The following RAPGEF1 variants were observed in gnomAD, a reference collection of about 807,000 sequenced individuals.
RAPGEF1 encodes CRK SH3-binding GNRP.
A neutral mutation model predicts 143.3 loss-of-function variants in RAPGEF1; 33 were observed. That is an observed-to-expected ratio of 0.23 (90% CI 0.17 to 0.31). The LOEUF is 0.31. RAPGEF1 is among the 10% of genes least tolerant of loss of function. The pLI, the probability that RAPGEF1 is intolerant of heterozygous loss-of-function variation, is 1.00. For synonymous variants in RAPGEF1, 629 were observed against 676.5 expected (o/e 0.93, Z 1.09); for missense variants, 1,199 against 1,645.4 (o/e 0.73, Z 4.69).
rs1952046065 is a variant in RAPGEF1 at position 131,582,645 on chromosome 9, C to T, written c.3472G>A (p.Ala1158Thr). Residue 1158 changes from alanine (A) to threonine (T), a missense_variant, in exon 25 of 27, where the codon GCC (alanine) becomes ACC (threonine). Physicochemically the swap from Ala to Thr is moderately conservative, Grantham distance 58 (BLOSUM62 0). This residue lies in a region of RAPGEF1 where 209 missense variants were observed against 403.0 expected (regional missense o/e 0.52). Transcript: ENST00000683357. ...DSSSSFRAYR[A>T]ALSEVEPPCI... Reference sequence around the variant, plus strand: ...GGCGGTTCCACCTCCGAGAGGGCGGCCCGGTAGGCTCGGAAGGAGGACGAG... The same window carrying T: ...GGCGGTTCCACCTCCGAGAGGGCGGTCCGGTAGGCTCGGAAGGAGGACGAG... The T allele has an allele frequency of 6.5e-7, 1 of 1,535,668 alleles. No homozygotes were observed.
chr9:131,649,936 T>C lies in RAPGEF1; in HGVS notation c.315+193A>G, dbSNP rs534350986. On this transcript the variant is annotated intron_variant, in intron 3 of 26. Transcript: ENST00000683357. The stretch of plus-strand genomic sequence containing the variant: ...TTTGCCACAAAGCTCTCTCCAAAGA[T>C]CATGGGACCTTGCATAAACTCTCAC... Among the ~76,000 whole-genome samples, 104 of 152,270 alleles carry C rather than the reference T, an allele frequency of 6.8e-4. 1 individual carries two copies. The highest frequency in any genetic ancestry group is 2.3e-3 in the African/African-American group (96 of 41,542).
chr9:131,661,484 T>C (rs1974088874), intron 1 of RAPGEF1, among the ~76,000 whole-genome samples: 1 of 152,190 alleles, frequency 6.6e-6, no homozygotes, highest in Non-Finnish European at 1.5e-5. Context: ...GTGACGGTTA[T>C]GGCCTGTTTC....
intron 22 of RAPGEF1, among the ~76,000 whole-genome samples, chr9:131,585,061 G>A (rs1952491391): frequency 6.6e-6 from 1 of 152,196 alleles, no homozygotes; most frequent in African/African-American, 2.4e-5. Flanking sequence ...CCAAAGCCGA[G>A]ACCAAAGCCA....
intron 1 of RAPGEF1, among the ~76,000 whole-genome samples, chr9:131,721,394 TCTAA>T (rs1836254517): frequency 6.6e-6 from 1 of 152,236 alleles, no homozygotes; most frequent in Non-Finnish European, 1.5e-5. Context: ...TGTCCGGATA[TCTAA>T]CTAAGAGGCT....
intron 1 of RAPGEF1, among the ~76,000 whole-genome samples, chr9:131,679,555 T>C (rs1832736728): frequency 6.6e-6 from 1 of 152,240 alleles, no homozygotes; most frequent in Admixed American, 6.5e-5. Flanking sequence ...AAATGTTTCG[T>C]ATTGCCGCAT....
chr9:131,602,247 AG>A, intron 14 of RAPGEF1, 98 bp from the exon 15 acceptor site: 1 of 792,422 alleles, frequency 1.3e-6, no homozygotes, highest in South Asian at 1.6e-5. Flanking sequence ...GTGGAGTGCA[AG>A]TTCCTATGGA....
chr9:131,580,412 G>A, intron 25 of RAPGEF1, 21 bp from the exon 26 acceptor site: 1 of 1,610,116 alleles, frequency 6.2e-7, no homozygotes, highest in Non-Finnish European at 8.5e-7. Context: ...GGGTTAGGCA[G>A]CCTGTTACTG....
intron 1 of RAPGEF1, among the ~76,000 whole-genome samples, chr9:131,722,328 C>A (rs1461588456): frequency 1.3e-5 from 2 of 152,200 alleles, no homozygotes; most frequent in African/African-American, 4.8e-5. Flanking sequence ...TCCCCTCCCC[C>A]AAGCCAGTGA....
At chr9:131,648,251 C>T (rs138702233) in intron 3 of RAPGEF1, among the ~76,000 whole-genome samples, 6,825 of 152,132 alleles carry the variant, frequency 0.045, 220 homozygotes, top group Non-Finnish European at 0.065. Context: ...ATTAGCCAGG[C>T]GTGGTAGAGG....
intron 1 of RAPGEF1, among the ~76,000 whole-genome samples, chr9:131,685,057 G>GT (rs1368241321): frequency 2.6e-5 from 4 of 152,278 alleles, no homozygotes; most frequent in East Asian, 3.9e-4. Flanking sequence ...CACCACTGCC[G>GT]TGAGTATTCC....
chr9:131,613,285 A>C (rs1958337152), intron 12 of RAPGEF1, among the ~76,000 whole-genome samples: 1 of 152,086 alleles, frequency 6.6e-6, no homozygotes, highest in African/African-American at 2.4e-5. Flanking sequence ...CAGGAAGGAG[A>C]AACTCGTATG....
At position 131,582,689 on chromosome 9, in the gene RAPGEF1, T is replaced by C. The variant is rs1254793885; in HGVS notation, c.3428A>G (p.Tyr1143Cys). 1 of 1,558,000 alleles carries C rather than the reference T, an allele frequency of 6.4e-7. No individual in the cohort carries two copies. Among genetic ancestry groups the C allele is most frequent in the East Asian group, 2.5e-5 (1 of 39,226 alleles). ...QKQTSEGLAE[Y>C]CTLIDSSSSF... ...GGACGAGCTGTCGATCAGTGTGCAG[T>C]ACTCGGCCAGGCCCTGGCAGGACAG... Residue 1143 changes from tyrosine to cysteine, a missense_variant, in exon 25 of 27, where the codon TAC becomes TGC. Around this residue, in one of 6 missense-constraint regions of RAPGEF1, gnomAD observed 209 missense variants for 403.0 expected, o/e 0.52. Transcript: ENST00000683357.
chr9:131,622,407 G>A (rs1961404150), intron 10 of RAPGEF1, among the ~76,000 whole-genome samples: 1 of 152,138 alleles, frequency 6.6e-6, no homozygotes, highest in African/African-American at 2.4e-5. Context: ...GCTAAATTTT[G>A]TATCTTCAAA....
intron 1 of RAPGEF1, among the ~76,000 whole-genome samples, chr9:131,704,243 G>A (rs937497330): frequency 2.0e-5 from 3 of 150,468 alleles, no homozygotes; most frequent in Non-Finnish European, 3.0e-5. Context: ...GCTGGCACAC[G>A]GGCATCCAGC....
chr9:131,592,199 A>C lies in RAPGEF1; in HGVS notation c.2690-16T>G, dbSNP rs1429534699. ...AACACCAAATCTAGAGGGAAAAAAC[A>C]ATGCAAACTGCTTGTCTGGGTGCAG... On this transcript the variant is annotated splice_polypyrimidine_tract_variant and intron_variant, in intron 17 of 26. Coordinates refer to ENST00000683357, the MANE Select transcript of RAPGEF1 (RefSeq NM_001377935.1). 6.3e-7 allele frequency: 1 copy of C among 1,585,382 alleles called. No individual in the cohort carries two copies. Among genetic ancestry groups the C allele is most frequent in the African/African-American group, 1.3e-5 (1 of 74,306 alleles).
intron 5 of RAPGEF1, 53 bp downstream of exon 5, chr9:131,638,582 A>G (rs986215816): frequency 3.1e-5 from 50 of 1,595,888 alleles, no homozygotes; most frequent in Middle Eastern, 1.7e-4. Flanking sequence ...AAGCACCAGC[A>G]GGCAGGCTGC....
In RAPGEF1 at chr9:131,626,430, T is replaced by C. The variant is rs369055568; in HGVS notation, c.1202-8A>G. 2 of 1,562,728 alleles carry C rather than the reference T, an allele frequency of 1.3e-6. No homozygotes were observed. The highest frequency in any genetic ancestry group is 1.7e-6 in the Non-Finnish European group (2 of 1,151,218). ...AGTCGGGATCATAGTGGTCTGCAGT[T>C]ACAACAGGGGAAAAAGAGACCCGTT... is the stretch of plus-strand genomic sequence containing the variant. On this transcript the variant is annotated splice_region_variant and splice_polypyrimidine_tract_variant and intron_variant, in intron 9 of 26. Coordinates refer to ENST00000683357, the MANE Select transcript of RAPGEF1 (RefSeq NM_001377935.1).
At chr9:131,698,907 T>C (rs1287620684) in intron 1 of RAPGEF1, among the ~76,000 whole-genome samples, 2 of 152,240 alleles carry the variant, frequency 1.3e-5, no homozygotes, top group South Asian at 2.1e-4. Context: ...CCAGTTGTTA[T>C]TTAAGCTCCC....
intron 1 of RAPGEF1, among the ~76,000 whole-genome samples, chr9:131,714,397 C>T (rs376684434): frequency 1.3e-5 from 2 of 151,816 alleles, no homozygotes; most frequent in African/African-American, 4.8e-5. Context: ...AATGTGCACA[C>T]TCACCCACCC....
Sources: gnomAD v4.1 joint callset for allele counts (sites outside exome capture counted in the v4.1 genomes callset) on GRCh38, gnomAD v4.1.1 for gene constraint, gnomAD v4.1.1 regional missense constraint, MANE v1.5 for transcripts, NCBI Gene and HGNC (gene_info 2026-07-23, HGNC 2026-07-21) for gene names.